The following C16orf96 variants were observed in gnomAD, a reference collection of about 807,000 sequenced individuals.
C16orf96 encodes chromosome 16 open reading frame 96, also known as uncharacterized protein C16orf96.
Under a neutral mutation model 103.6 loss-of-function variants are expected in C16orf96, and 108 were observed. The observed-to-expected ratio is 1.04, with a 90% CI of 0.89 to 1.22. The LOEUF (loss-of-function observed/expected upper bound fraction) is 1.22, where lower values mean the gene tolerates loss of function less well. C16orf96 is among the 50% of genes most tolerant of loss of function. The pLI is 0.00. For missense variants in C16orf96, 1,586 were observed against 1,464.2 expected, an observed-to-expected ratio of 1.08 and a Z score of -1.36; for synonymous variants, 566 against 593.5, an observed-to-expected ratio of 0.95 and a Z score of 0.67.
rs146734619 is a variant in C16orf96, at chr16:4,576,458, G to A, written c.1978G>A (p.Asp660Asn). 2.6e-5 allele frequency: 41 copies of A among 1,551,412 alleles called. 1 individual carries two copies. Among genetic ancestry groups the A allele is most frequent in the South Asian group, 2.0e-4 (17 of 84,060 alleles). ...PSYSAASIGPDPALSQAMVAT... is the reference protein window; with the variant it reads ...PSYSAASIGPNPALSQAMVAT... ...CTACTCTGCTGCCAGCATCGGTCCC[G>A]ATCCAGCCCTGTCCCAGGCCATGGT... The change falls in exon 5 of 16, where the codon GAT (aspartate) becomes AAT (asparagine). Residue 660 changes from aspartate to asparagine, a missense_variant. Transcript: ENST00000444310.
chr16:4,580,022 A>C lies in C16orf96; in HGVS notation c.2249A>C (p.Glu750Ala), dbSNP rs932923338. 27 of 1,551,122 alleles carry C rather than the reference A, an allele frequency of 1.7e-5. No homozygotes were observed. In the African/African-American group the frequency reaches 3.3e-4, roughly 19 times the overall value. The change falls in exon 7 of 16, where the codon GAA becomes GCA. Residue 750 changes from glutamate (E) to alanine (A), a missense_variant. Glu to Ala is a moderately radical substitution (Grantham distance 107). Transcript: ENST00000444310. ...TGTGTCTCCCCCTTTTAGGAGGAAG[A>C]ACTTGAGAGAATTTGGGGCAACCAA... ...SLQKSRLKEE[E>A]LERIWGNQIE...
rs572262014 is a variant in C16orf96, at chr16:4,556,972, T to C, written c.420+63T>C. 3,448 of 1,453,334 alleles carry C rather than the reference T, an allele frequency of 2.4e-3. 11 individuals carry two copies. The highest frequency in any genetic ancestry group is 4.1e-3 in the Middle Eastern group (23 of 5,550). 90.0% of individuals were successfully genotyped at this position (1,453,334 alleles called of 1,614,324 possible). On this transcript the variant is annotated intron_variant, in intron 1 of 15. Transcript: ENST00000444310. ...TCACCACTGGCTCTCTCCTGGGACGTCTTTTTTTTGTTTTTGAGACTCCGT... is the reference window on the plus strand; with the variant it reads ...TCACCACTGGCTCTCTCCTGGGACGCCTTTTTTTTGTTTTTGAGACTCCGT...
chr16:4,593,434 G>A lies in C16orf96; in HGVS notation c.2867+118G>A, dbSNP rs1363193905. 6 of 1,023,248 alleles carry A rather than the reference G, an allele frequency of 5.9e-6. No homozygotes were observed. The African/African-American group carries it at 9.5e-5, about 16-fold the overall frequency. 63.4% of individuals were successfully genotyped at this position (1,023,248 alleles called of 1,614,324 possible). Reference sequence around the variant, plus strand: ...GGCCCAGGGACCTAAGATTGTCCTGGACATGGCCAGCCCTTCGCAAGACAG... The same window carrying A: ...GGCCCAGGGACCTAAGATTGTCCTGAACATGGCCAGCCCTTCGCAAGACAG... On this transcript the variant is annotated intron_variant, in intron 12 of 15. Coordinates refer to ENST00000444310, the MANE Select transcript of C16orf96 (RefSeq NM_001145011.2). This position sits in a 1 kb window ranked among gnomAD's most constrained non-coding sequence, Gnocchi z 4.2.
At chr16:4,553,177 A>C (rs1438774849), upstream of C16orf96, among the ~76,000 whole-genome samples, 2 of 152,162 alleles carry the variant, frequency 1.3e-5, no homozygotes, top group African/African-American at 2.4e-5. Context: ...GCCTGGCTGA[A>C]GAGCCAGGTT....
In C16orf96 at chr16:4,575,284, C is replaced by G; in HGVS notation, c.804C>G (p.Ser268=). 2 of 1,550,790 alleles carry G rather than the reference C, an allele frequency of 1.3e-6. No individual in the cohort carries two copies. The highest frequency in any genetic ancestry group is 3.3e-4 in the Middle Eastern group (2 of 5,992). The change falls in exon 5 of 16, where the codon TCC becomes TCG. Residue 268 remains serine (S), a synonymous_variant. Transcript: ENST00000444310. ...YLEATRAIQV[S]EPVQNPQLLQ... ...AAGCTACTCGTGCCATCCAGGTCTC[C>G]GAGCCCGTCCAAAACCCCCAGCTAC...
chr16:4,590,771 C>G (rs1897039219), intron 9 of C16orf96, among the ~76,000 whole-genome samples: 1 of 150,244 alleles, frequency 6.7e-6, no homozygotes, highest in Non-Finnish European at 1.5e-5. Context: ...GTAATCCCAG[C>G]ACTTTGGGAG....
At chr16:4,590,719 C>CT (rs1237553689) in intron 9 of C16orf96, among the ~76,000 whole-genome samples, 6 of 150,788 alleles carry the variant, frequency 4.0e-5, no homozygotes, top group Non-Finnish European at 7.4e-5. Flanking sequence ...CCCGTCTGTA[C>CT]TAAAAATACA....
intron 8 of C16orf96, 137 bp downstream of exon 8, chr16:4,587,250 G>T (rs1016447513): frequency 2.0e-5 from 16 of 820,020 alleles, no homozygotes; most frequent in Non-Finnish European, 2.9e-5. Flanking sequence ...TTGGCTGGGC[G>T]CAGTGGCTCA....
At chr16:4,562,055 C>A (rs2059337991) in intron 1 of C16orf96, among the ~76,000 whole-genome samples, 1 of 152,064 alleles carries the variant, frequency 6.6e-6, no homozygotes, top group Non-Finnish European at 1.5e-5. Context: ...ACTTATTGGT[C>A]TTTTTGAGGG....
chr16:4,577,206 C>A (rs7201807), intron 5 of C16orf96, among the ~76,000 whole-genome samples: 5,526 of 151,468 alleles, frequency 0.036, 324 homozygotes, highest in African/African-American at 0.12. Flanking sequence ...ACAACAACAA[C>A]AAAAAAAACT....
the C16orf96 span, among the ~76,000 whole-genome samples, chr16:4,547,844 G>C: frequency 2.1e-5 from 3 of 142,968 alleles, no homozygotes; most frequent in Non-Finnish European, 4.6e-5. Flanking sequence ...GTATTGCCCA[G>C]GTTAGTCCAA....
intron 14 of C16orf96, among the ~76,000 whole-genome samples, chr16:4,595,986 C>A (rs1467545520): frequency 1.3e-5 from 2 of 152,044 alleles, no homozygotes; most frequent in African/African-American, 2.4e-5. Flanking sequence ...TGCGCCTGGC[C>A]CACCGGCAGA....
At chr16:4,581,703 G>A (rs1177056508) in intron 7 of C16orf96, among the ~76,000 whole-genome samples, 1 of 152,078 alleles carries the variant, frequency 6.6e-6, no homozygotes, top group Admixed American at 6.6e-5. Context: ...TAGTACTTTG[G>A]GTGCAGAGGC....
Position 4,575,580 on chromosome 16 carries a change from G to A in C16orf96, c.1100G>A (p.Trp367Ter). The change falls in exon 5 of 16, where the codon TGG (tryptophan) becomes TAG (stop). Residue 367 changes from tryptophan to a stop codon, truncating the protein, a stop_gained. Coordinates refer to ENST00000444310, the MANE Select transcript of C16orf96 (RefSeq NM_001145011.2). LOFTEE classifies it high-confidence loss of function. ...ACACCTGGGTCCTTGCCAGCACCTT[G>A]GCCTGTGCTTGGACCTGTGCCTGCC... ...SVTPGSLPAP[W>*]PVLGPVPAPG... 1 of 1,523,976 alleles carries A rather than the reference G, an allele frequency of 6.6e-7. No individual in the cohort carries two copies. The highest frequency in any genetic ancestry group is 8.8e-7 in the Non-Finnish European group (1 of 1,136,298). The allele number at this position is 1,523,976 out of a possible 1,614,324, so 94.4% of individuals were successfully genotyped here. A position where few individuals can be genotyped will look rare whatever the true frequency, so the allele number is the denominator to read the frequency against.
At chr16:4,569,720 C>G in intron 1 of C16orf96, among the ~76,000 whole-genome samples, 1 of 149,282 alleles carries the variant, frequency 6.7e-6, no homozygotes, top group Non-Finnish European at 1.5e-5. Flanking sequence ...AAAAAGAAGG[C>G]AAAGATAGTC....
rs1027718566 is a variant in C16orf96 at position 4,576,626 on chromosome 16, A to G, written c.2146A>G (p.Ser716Gly). The G allele has an allele frequency of 7.7e-6, 12 of 1,550,524 alleles. No homozygotes were observed. Among genetic ancestry groups the G allele is most frequent in the Non-Finnish European group, 9.6e-6 (11 of 1,146,512 alleles). ...QLSCNLNQRL[S>G]YLANMGGPSS... ...GTCCTGTAACCTGAACCAGCGCTTG[A>G]GTTATCTAGGTAGGCCTGGTCTGGC... The change falls in exon 5 of 16, where the codon AGT (serine) becomes GGT (glycine). Residue 716 changes from serine to glycine, a missense_variant. Ser to Gly is a moderately conservative substitution (Grantham distance 56). Transcript: ENST00000444310.
chr16:4,562,539 A>AT (rs1173440444), intron 1 of C16orf96, among the ~76,000 whole-genome samples: 1 of 151,722 alleles, frequency 6.6e-6, no homozygotes, highest in South Asian at 2.1e-4. Flanking sequence ...TATTCACTCA[A>AT]TTTTTTTGTT....
chr16:4,588,193 C>T lies in C16orf96; in HGVS notation c.2454C>T (p.Gly818=). The T allele has an allele frequency of 1.9e-6, 3 of 1,551,420 alleles. No homozygotes were observed. In the South Asian group the frequency reaches 3.6e-5, roughly 18 times the overall value. ...REKADRSALA[G]KASRVDLETV... ...AAGCTGACAGGAGTGCCCTGGCAGG[C>T]AAGGCAAGCCGCGTTGACCTGGAGA... Residue 818 remains glycine (G), a synonymous_variant, in exon 9 of 16, where the codon GGC becomes GGT. Transcript: ENST00000444310.
the C16orf96 span, among the ~76,000 whole-genome samples, chr16:4,545,229 A>T: frequency 2.2e-3 from 335 of 152,158 alleles, no homozygotes; most frequent in African/African-American, 7.7e-3. Context: ...TTGTTTAGGG[A>T]CAGGGTCTGT....
Sources: allele counts gnomAD v4.1 joint callset (sites outside exome capture counted in the v4.1 genomes callset), GRCh38; gene constraint gnomAD v4.1.1; non-coding constraint Gnocchi (gnomAD v3.1); transcripts MANE v1.5; gene names NCBI Gene and HGNC (gene_info 2026-07-23, HGNC 2026-07-21).